MICALL2: variants seen among roughly 807,000 people sequenced by gnomAD.
The protein encoded by MICALL2 is MICAL-like protein 2.
A neutral mutation model predicts 91.1 loss-of-function variants in MICALL2; 111 were observed. The ratio of observed to expected loss-of-function variants is 1.22; its 90% confidence interval spans 1.04 to 1.43. The LOEUF (loss-of-function observed/expected upper bound fraction) is 1.43, where lower values mean the gene tolerates loss of function less well. MICALL2 is among the 40% of genes most tolerant of loss of function. The pLI, the probability that MICALL2 is intolerant of heterozygous loss-of-function variation, is 0.00. For synonymous variants in MICALL2, 694 were observed against 525.3 expected, an observed-to-expected ratio of 1.32 and a Z score of -4.39; for missense variants, 1,556 against 1,236.0, an observed-to-expected ratio of 1.26 and a Z score of -3.88.
chr7:1,434,386 T>C lies in MICALL2; in HGVS notation c.*210A>G, dbSNP rs1779852805. 3 of 679,420 alleles carry C rather than the reference T, an allele frequency of 4.4e-6. No individual in the cohort carries two copies. Among genetic ancestry groups the C allele is most frequent in the Admixed American group, 4.1e-5 (2 of 48,522 alleles). 42.1% of individuals were successfully genotyped at this position (679,420 alleles called of 1,614,324 possible). A position where few individuals can be genotyped will look rare whatever the true frequency, so the allele number is the denominator to read the frequency against. On this transcript the variant is annotated 3_prime_UTR_variant, in exon 17 of 17. Transcript: ENST00000297508. ...CGGGGCCATGTGGTCGGTTTCTTTA[T>C]TGAGACCACAGACGGTAGCGCAGGT...
chr7:1,438,011 G>GC, intron 12 of MICALL2, 31 bp from the exon 13 acceptor site: 2 of 1,550,136 alleles, frequency 1.3e-6, no homozygotes, highest in African/African-American at 1.4e-5. Flanking sequence ...GGGCAGGGGG[G>GC]CCCGCCAGAG....
At chr7:1,439,321 A>G in intron 9 of MICALL2, 1 of 329,516 alleles carries the variant, frequency 3.0e-6, no homozygotes, top group South Asian at 6.0e-5. Context: ...ATCACACACG[A>G]ACACGGGTGC....
intron 15 of MICALL2, among the ~76,000 whole-genome samples, chr7:1,435,524 T>TG (rs1779926606): frequency 6.7e-6 from 1 of 150,328 alleles, no homozygotes; most frequent in African/African-American, 2.5e-5. Flanking sequence ...ACAGGTGATG[T>TG]GGGACAGGAG....
chr7:1,445,278 A>G lies in MICALL2; in HGVS notation c.792T>C (p.Gly264=), dbSNP rs1337311194. 2 of 1,612,208 alleles carry G rather than the reference A, an allele frequency of 1.2e-6. No individual in the cohort carries two copies. Among genetic ancestry groups the G allele is most frequent in the East Asian group, 2.2e-5 (1 of 44,886 alleles). The change falls in exon 6 of 17, where the codon GGT becomes GGC. Residue 264 remains glycine (G), a synonymous_variant. Transcript: ENST00000297508. ...GGGAACAGGAGGTCCTGGAATCCAC[A>G]CCCATGGCCCCTGGCTGTCGGGGGA... ...GLVPRQPGAM[G]VDSRTSCSPQ...
chr7:1,444,308 C>T (rs569112877), intron 6 of MICALL2, among the ~76,000 whole-genome samples: 5 of 151,956 alleles, frequency 3.3e-5, no homozygotes, highest in African/African-American at 9.7e-5. Context: ...GTCCCGCTCG[C>T]GACCTGTCCC....
chr7:1,453,315 A>C (rs1452964334), intron 1 of MICALL2, among the ~76,000 whole-genome samples: 1 of 152,082 alleles, frequency 6.6e-6, no homozygotes. Context: ...TGGTGTCCTC[A>C]TAAAAGGGAA....
At position 1,434,674 on chromosome 7, in the gene MICALL2, T is replaced by TA; in HGVS notation, c.2639-3dup. The TA allele has an allele frequency of 6.4e-7, 1 of 1,554,614 alleles. No homozygotes were observed. Among genetic ancestry groups the TA allele is most frequent in the Non-Finnish European group, 8.7e-7 (1 of 1,154,514 alleles). ...ACTTGGACTTCTTCCTCTGGAGGCC[T>TA]AGGGGACAGGTGGACAGTGAGGCCG... On this transcript the variant is annotated splice_region_variant and splice_polypyrimidine_tract_variant and intron_variant, in intron 16 of 16. Transcript: ENST00000297508.
Position 1,446,712 on chromosome 7 carries a change from CCTGAAGCAG to C in MICALL2, c.633_641del (p.Ser211_Phe213del). The C allele has an allele frequency of 6.3e-7, 1 of 1,590,160 alleles. No homozygotes were observed. On this transcript the variant is annotated inframe_deletion and splice_region_variant, in exon 5 of 17. Transcript: ENST00000297508. The stretch of plus-strand genomic sequence containing the variant: ...GGCGTGCGGGCAGAGGGCAGCCCCA[CCTGAAGCAG>C]CTCCGGTGGTAAAGCCTCCCGTCGG...
chr7:1,439,631 A>G (rs1236317619), intron 9 of MICALL2: 11 of 342,938 alleles, frequency 3.2e-5, no homozygotes, highest in Non-Finnish European at 4.2e-5. Flanking sequence ...GAACAGACAC[A>G]TGGACATGCA....
rs1430513211 is a variant in MICALL2 at position 1,451,980 on chromosome 7, T to G, written c.144-1692A>C. On this transcript the variant is annotated intron_variant, in intron 1 of 16. Transcript: ENST00000297508. The surrounding 1 kb of genome is among the most constrained non-coding windows in gnomAD (Gnocchi z 4.5). ...GCCAGGCAGCAGCCACACGGTGGGG[T>G]GGGGGCAGTGGGATGGGGGCTGCAG... 6.6e-6 allele frequency among the ~76,000 whole-genome samples: 1 copy of G among 151,854 alleles called. No individual in the cohort carries two copies. The highest frequency in any genetic ancestry group is 1.5e-5 in the Non-Finnish European group (1 of 67,932).
intron 2 of MICALL2, among the ~76,000 whole-genome samples, chr7:1,449,296 CTTGT>C (rs1446965390): frequency 2.0e-5 from 3 of 152,188 alleles, no homozygotes; most frequent in Admixed American, 6.5e-5. Context: ...AGGAACTGGA[CTTGT>C]TTATTTATTT....
chr7:1,458,857 C>T (rs886751013), intron 1 of MICALL2, among the ~76,000 whole-genome samples: 1 of 152,258 alleles, frequency 6.6e-6, no homozygotes, highest in Non-Finnish European at 1.5e-5. Context: ...GCAGTGAGAG[C>T]CTCGGAGGGC....
chr7:1,457,002 G>A (rs540411363), intron 1 of MICALL2, among the ~76,000 whole-genome samples: 7 of 152,264 alleles, frequency 4.6e-5, no homozygotes, highest in East Asian at 1.9e-4. Context: ...TCTGGAGGCC[G>A]GACTCCGACA....
rs986050175 is a variant in MICALL2, at chr7:1,459,403, C to G, written c.-77G>C. ...GGCTGTGCCGCGACCGCCCGGCCGGCGGGACAGACGCTGGGACCGCTACGG... is the reference window on the plus strand; with the variant it reads ...GGCTGTGCCGCGACCGCCCGGCCGGGGGGACAGACGCTGGGACCGCTACGG... On this transcript the variant is annotated 5_prime_UTR_variant, in exon 1 of 17. Transcript: ENST00000297508. 7.5e-7 allele frequency: 1 copy of G among 1,324,582 alleles called. No individual in the cohort carries two copies. The allele number at this position is 1,324,582 out of a possible 1,614,324, so 82.1% of individuals were successfully genotyped here. A position where few individuals can be genotyped will look rare whatever the true frequency, so the allele number is the denominator to read the frequency against.
Position 1,434,524 on chromosome 7 carries a change from C to T in MICALL2, c.*72G>A, listed in dbSNP as rs759020875. The T allele has an allele frequency of 4.4e-5, 61 of 1,385,538 alleles. No homozygotes were observed. The highest frequency in any genetic ancestry group is 1.6e-4 in the East Asian group (7 of 43,732). The allele number at this position is 1,385,538 out of a possible 1,614,324, so 85.8% of individuals were successfully genotyped here. On this transcript the variant is annotated 3_prime_UTR_variant, in exon 17 of 17. Coordinates refer to ENST00000297508, the MANE Select transcript of MICALL2 (RefSeq NM_182924.4). ...CGAGTACAAGTCCGGGTTCCGGGTCCGGGCCAAGCCCATGGCCCCGAGTCC... is the reference window on the plus strand; with the variant it reads ...CGAGTACAAGTCCGGGTTCCGGGTCTGGGCCAAGCCCATGGCCCCGAGTCC...
chr7:1,438,471 C>A, intron 10 of MICALL2, 118 bp from the exon 11 acceptor site: 1 of 1,490,520 alleles, frequency 6.7e-7, no homozygotes, highest in South Asian at 1.3e-5. Context: ...CCCTGCCTCC[C>A]TAATGCCCCA....
intron 16 of MICALL2, 104 bp downstream of exon 16, chr7:1,434,997 C>G (rs1320910753): frequency 3.3e-6 from 2 of 611,184 alleles, no homozygotes; most frequent in African/African-American, 2.1e-5. Context: ...CCCCCCCCCA[C>G]CCCCAGCTGG....
chr7:1,439,477 A>G lies in MICALL2; in HGVS notation c.1966+448T>C, dbSNP rs574937721. 213 of 137,242 alleles carry G rather than the reference A, an allele frequency of 1.6e-3. 1 individual carries two copies. Among genetic ancestry groups the G allele is most frequent in the African/African-American group, 8.9e-3 (203 of 22,772 alleles). 8.5% of individuals were successfully genotyped at this position (137,242 alleles called of 1,614,324 possible). ...ATCGCACATGAACACAGATGTACAC[A>G]TGGACACATGCATCACGTGTGGGCA... On this transcript the variant is annotated intron_variant, in intron 9 of 16. Transcript: ENST00000297508.
intron 13 of MICALL2, 31 bp downstream of exon 13, chr7:1,437,859 T>C: frequency 6.5e-7 from 1 of 1,540,524 alleles, no homozygotes. Context: ...GGTCCTGGCC[T>C]TCGAGGAGGG....
Sources: gnomAD v4.1 joint callset for allele counts (sites outside exome capture counted in the v4.1 genomes callset) on GRCh38, gnomAD v4.1.1 for gene constraint, Gnocchi (gnomAD v3.1) non-coding constraint, MANE v1.5 for transcripts, NCBI Gene and HGNC (gene_info 2026-07-23, HGNC 2026-07-21) for gene names.